Variants in ALK observed in about 807,000 individuals in gnomAD.
ALK encodes the protein ALK receptor tyrosine kinase.
ALK carries 74 observed loss-of-function variants against 163.1 expected under a neutral mutation model. The ratio of observed to expected loss-of-function variants is 0.45; its 90% CI spans 0.38 to 0.55. The LOEUF (loss-of-function observed/expected upper bound fraction) is 0.55. ALK is among the 20% of genes least tolerant of loss of function. The pLI is 0.00. For missense variants in ALK, 2,063 were observed against 2,105.3 expected, an observed-to-expected ratio of 0.98 and a Z score of 0.39; for synonymous variants, 960 against 843.2, an observed-to-expected ratio of 1.14 and a Z score of -2.40.
chr2:29,538,739 TA>T (rs1673330352), intron 3 of ALK, among the ~76,000 whole-genome samples: 2 of 152,198 alleles, frequency 1.3e-5, no homozygotes, highest in African/African-American at 2.4e-5. Context: ...AATTTTTTTT[TA>T]AGGATTTCTA....
In ALK at chr2:29,606,794, T is replaced by C. The variant is rs376200695; in HGVS notation, c.953-74678A>G. Among the ~76,000 whole-genome samples, 7 of 152,356 alleles carry C rather than the reference T, an allele frequency of 4.6e-5. No individual in the cohort carries two copies. In the South Asian group the frequency reaches 1.4e-3, roughly 32 times the overall value. On this transcript the variant is annotated intron_variant, in intron 3 of 28. Coordinates refer to ENST00000389048, the MANE Select transcript of ALK (RefSeq NM_004304.5). ...AATCTAAGATATTTGTATCTGACTC[T>C]ACAGAAAAGTCTGCCAACCCCTGAT...
At chr2:29,657,609 A>G (rs1387123197) in intron 3 of ALK, among the ~76,000 whole-genome samples, 1 of 152,202 alleles carries the variant, frequency 6.6e-6, no homozygotes, top group Non-Finnish European at 1.5e-5. Context: ...CTCTGCTGTC[A>G]AGAAAAACAC....
chr2:29,572,369 T>A (rs1197150452), intron 3 of ALK, among the ~76,000 whole-genome samples: 2 of 152,184 alleles, frequency 1.3e-5, no homozygotes, highest in East Asian at 1.9e-4. Context: ...GACTTCAGGA[T>A]TGAACTCAAA....
At chr2:29,256,122 G>A (rs910911678) in intron 11 of ALK, among the ~76,000 whole-genome samples, 1 of 152,208 alleles carries the variant, frequency 6.6e-6, no homozygotes, top group Non-Finnish European at 1.5e-5. Context: ...GGATCAAAGT[G>A]AGCAGGTCTA....
At chr2:29,424,651 G>A (rs552013075) in intron 4 of ALK, among the ~76,000 whole-genome samples, 18 of 152,272 alleles carry the variant, frequency 1.2e-4, no homozygotes, top group Admixed American at 8.5e-4. Context: ...TTAATTATTT[G>A]TATATTCAAT....
intron 1 of ALK, among the ~76,000 whole-genome samples, chr2:29,915,230 CA>C (rs1158216469): frequency 6.6e-6 from 1 of 152,162 alleles, no homozygotes; most frequent in Non-Finnish European, 1.5e-5. Context: ...TCCTGATTTT[CA>C]GCAGACCAAC....
chr2:29,772,435 T>C (rs1681052727), intron 1 of ALK, among the ~76,000 whole-genome samples: 1 of 152,224 alleles, frequency 6.6e-6, no homozygotes, highest in Admixed American at 6.5e-5. Context: ...TTAGCTCTAT[T>C]GGAAGAGTGA....
At chr2:29,605,083 A>G (rs1648272729) in intron 3 of ALK, among the ~76,000 whole-genome samples, 1 of 152,220 alleles carries the variant, frequency 6.6e-6, no homozygotes, top group African/African-American at 2.4e-5. Flanking sequence ...TTCAGTTTCA[A>G]AAGTCAGTAG....
intron 8 of ALK, among the ~76,000 whole-genome samples, chr2:29,298,149 A>T (rs1341479799): frequency 6.6e-6 from 1 of 152,190 alleles, no homozygotes; most frequent in African/African-American, 2.4e-5. Context: ...CCCTTCACTA[A>T]TAAGGTCACA....
At chr2:29,560,204 G>A (rs1673981736) in intron 3 of ALK, among the ~76,000 whole-genome samples, 1 of 152,116 alleles carries the variant, frequency 6.6e-6, no homozygotes, top group African/African-American at 2.4e-5. Context: ...TAACTCAAAT[G>A]TTCAGTAACT....
intron 1 of ALK, among the ~76,000 whole-genome samples, chr2:29,730,112 G>A (rs887005506): frequency 1.3e-5 from 2 of 152,308 alleles, no homozygotes; most frequent in Admixed American, 6.5e-5. Flanking sequence ...GGATCCCCTC[G>A]CCCCTTGGCA....
intron 4 of ALK, among the ~76,000 whole-genome samples, chr2:29,390,324 C>T (rs906375965): frequency 6.6e-5 from 10 of 152,016 alleles, no homozygotes; most frequent in African/African-American, 2.4e-4. Flanking sequence ...CGGGTGAGAT[C>T]GACAATGACA....
chr2:29,880,436 T>C lies in ALK; in HGVS notation c.667+39557A>G, dbSNP rs145946525. 5.3e-3 allele frequency among the ~76,000 whole-genome samples: 808 copies of C among 152,286 alleles called. 11 individuals carry two copies. Among genetic ancestry groups the C allele is most frequent in the African/African-American group, 0.019 (775 of 41,552 alleles). ...AACCTCAGGGCAGTGGTTTTAAATG[T>C]TGGGGGGTCACAGATCCTGCTGAAA... is the stretch of plus-strand genomic sequence containing the variant. On this transcript the variant is annotated intron_variant, in intron 1 of 28. Transcript: ENST00000389048.
intron 5 of ALK, among the ~76,000 whole-genome samples, chr2:29,347,773 A>G (rs1332347607): frequency 6.6e-6 from 1 of 152,210 alleles, no homozygotes; most frequent in Non-Finnish European, 1.5e-5. Context: ...CCATCTGAAG[A>G]AAGTGCCTTT....
chr2:29,792,446 A>G (rs1664211215), intron 1 of ALK, among the ~76,000 whole-genome samples: 1 of 152,194 alleles, frequency 6.6e-6, no homozygotes, highest in Admixed American at 6.5e-5. Context: ...TGAACCCTCA[A>G]TTCAAATCAT....
At chr2:29,323,227 G>A (rs1302373678) in intron 6 of ALK, among the ~76,000 whole-genome samples, 2 of 152,178 alleles carry the variant, frequency 1.3e-5, no homozygotes, top group Non-Finnish European at 2.9e-5. Context: ...AGCCAGAGAG[G>A]TGCAAATGTA....
intron 3 of ALK, among the ~76,000 whole-genome samples, chr2:29,564,754 G>C (rs376346990): frequency 4.6e-5 from 7 of 152,350 alleles, no homozygotes; most frequent in African/African-American, 1.7e-4. Flanking sequence ...GTTCCACTCA[G>C]AGGTGGAGGG....
At chr2:29,846,963 T>C (rs535147367) in intron 1 of ALK, among the ~76,000 whole-genome samples, 1 of 152,302 alleles carries the variant, frequency 6.6e-6, no homozygotes, top group South Asian at 2.1e-4. Context: ...TGCTGAGCTA[T>C]AGAATTTGTA....
chr2:29,416,231 G>C (rs984345437), intron 4 of ALK, among the ~76,000 whole-genome samples: 1 of 152,242 alleles, frequency 6.6e-6, no homozygotes, highest in Non-Finnish European at 1.5e-5. Flanking sequence ...TGGAGGGTTG[G>C]ATGGGCACAG....
Sources: gnomAD v4.1 joint callset for allele counts (sites outside exome capture counted in the v4.1 genomes callset) on GRCh38, gnomAD v4.1.1 for gene constraint, MANE v1.5 for transcripts, NCBI Gene and HGNC (gene_info 2026-07-23, HGNC 2026-07-21) for gene names.